The following HIVEP2 variants were observed in gnomAD, a reference collection of about 807,000 sequenced individuals.
HIVEP2 encodes the protein HIVEP zinc finger 2, also known as transcription factor HIVEP2.
Under a neutral mutation model 180.7 loss-of-function variants are expected in HIVEP2, and 14 were observed. That is an observed-to-expected ratio of 0.08 (90% CI 0.05 to 0.12). HIVEP2 has a LOEUF of 0.12. Among genes scored for constraint, HIVEP2 ranks in the 10% least tolerant of loss-of-function variants. The pLI is 1.00. For missense variants in HIVEP2, 2,579 were observed against 3,008.5 expected (o/e 0.86, Z 3.34); for synonymous variants, 1,184 against 1,136.4 (o/e 1.04, Z -0.84).
At chr6:142,777,474 C>T (rs893524841) in intron 3 of HIVEP2, among the ~76,000 whole-genome samples, 18 of 151,804 alleles carry the variant, frequency 1.2e-4, no homozygotes, top group African/African-American at 4.3e-4. Flanking sequence ...TAGAGAAACC[C>T]TGTTTCTACT....
chr6:142,901,337 T>C (rs1278149181), intron 1 of HIVEP2, among the ~76,000 whole-genome samples: 1 of 152,232 alleles, frequency 6.6e-6, no homozygotes, highest in East Asian at 1.9e-4. Context: ...TTTTCTCTGA[T>C]ATGATAAACC....
intron 1 of HIVEP2, among the ~76,000 whole-genome samples, chr6:142,886,678 A>G (rs1214790865): frequency 6.6e-6 from 1 of 152,186 alleles, no homozygotes; most frequent in African/African-American, 2.4e-5. Context: ...TACCCAGTTA[A>G]TTATTAGCCA....
chr6:142,793,680 T>TTTCTTTCTTTCTTTCTTTCTTC (rs1776212025), intron 2 of HIVEP2, among the ~76,000 whole-genome samples: 1 of 142,706 alleles, frequency 7.0e-6, no homozygotes. Context: ...TCTTTCTCTC[T>TTTCTTTCTTTCTTTCTTTCTTC]CTCTCTCTCT....
chr6:142,796,687 CA>C (rs1776286244), intron 2 of HIVEP2, among the ~76,000 whole-genome samples: 1 of 152,154 alleles, frequency 6.6e-6, no homozygotes, highest in Non-Finnish European at 1.5e-5. Flanking sequence ...GCACTTCTAG[CA>C]TTAGTAATGG....
intron 1 of HIVEP2, among the ~76,000 whole-genome samples, chr6:142,885,097 C>A (rs1481372889): frequency 6.6e-6 from 1 of 152,152 alleles, no homozygotes; most frequent in Non-Finnish European, 1.5e-5. Flanking sequence ...ATGGACCAAT[C>A]TAACTGATTT....
At chr6:142,861,710 T>C (rs574141701) in intron 1 of HIVEP2, among the ~76,000 whole-genome samples, 3 of 152,318 alleles carry the variant, frequency 2.0e-5, no homozygotes, top group African/African-American at 7.2e-5. Context: ...AACAATTTAA[T>C]GTCATCTAAG....
intron 1 of HIVEP2, among the ~76,000 whole-genome samples, chr6:142,929,154 A>T (rs1156590891): frequency 1.3e-5 from 2 of 152,162 alleles, no homozygotes; most frequent in East Asian, 1.9e-4. Flanking sequence ...TGTTCCTTCA[A>T]ATCATCTGCC....
intron 1 of HIVEP2, among the ~76,000 whole-genome samples, chr6:142,934,479 T>C (rs1011115550): frequency 3.3e-5 from 5 of 152,148 alleles, no homozygotes; most frequent in Non-Finnish European, 7.3e-5. Context: ...AGAAAAGATA[T>C]CTGAAATCCT....
chr6:142,793,614 C>T (rs190044033), intron 2 of HIVEP2, among the ~76,000 whole-genome samples: 152 of 131,892 alleles, frequency 1.2e-3, no homozygotes, highest in Admixed American at 1.8e-3. Flanking sequence ...CACCTCCCAT[C>T]CTTCCTTCTC....
chr6:142,844,037 A>C (rs1775441918), intron 1 of HIVEP2, among the ~76,000 whole-genome samples: 1 of 152,194 alleles, frequency 6.6e-6, no homozygotes, highest in Non-Finnish European at 1.5e-5. Context: ...CGGATGGCAC[A>C]TACCCACACA....
chr6:142,849,700 G>A (rs950967047), intron 1 of HIVEP2, among the ~76,000 whole-genome samples: 2 of 151,758 alleles, frequency 1.3e-5, no homozygotes, highest in African/African-American at 4.8e-5. Flanking sequence ...GTATTTTTTT[G>A]TAGAGACAGG....
chr6:142,755,533 C>T (rs1775043278), intron 9 of HIVEP2, among the ~76,000 whole-genome samples: 1 of 152,140 alleles, frequency 6.6e-6, no homozygotes, highest in Admixed American at 6.5e-5. Flanking sequence ...TGTTTTACTT[C>T]TGGCTGCTAT....
chr6:142,859,580 T>TC (rs1775915862), intron 1 of HIVEP2, among the ~76,000 whole-genome samples: 1 of 151,572 alleles, frequency 6.6e-6, no homozygotes, highest in African/African-American at 2.4e-5. Context: ...ATGTCAGTAA[T>TC]CCCAGCACTT....
chr6:142,909,753 G>GT (rs1239707189), intron 1 of HIVEP2, among the ~76,000 whole-genome samples: 1 of 152,148 alleles, frequency 6.6e-6, no homozygotes, highest in Non-Finnish European at 1.5e-5. Context: ...GGAGATAACA[G>GT]TATCATATGG....
rs970164366 is a variant in HIVEP2 at position 142,886,619 on chromosome 6, G to T, written c.-640-49572C>A. Among the ~76,000 whole-genome samples the T allele has an allele frequency of 2.0e-5, 3 of 152,212 alleles. No homozygotes were observed. In the East Asian group the frequency reaches 5.8e-4, roughly 29 times the overall value. Reference sequence around the variant, plus strand: ...ACTTCCGACTTGCAACACCCTATTTGTTAGTCTTATTACAAATCCTTTCCT... The same window carrying T: ...ACTTCCGACTTGCAACACCCTATTTTTTAGTCTTATTACAAATCCTTTCCT... On this transcript the variant is annotated intron_variant, in intron 1 of 9. Coordinates refer to ENST00000367603, the MANE Select transcript of HIVEP2 (RefSeq NM_006734.4).
chr6:142,868,481 G>T (rs1776202744), intron 1 of HIVEP2, among the ~76,000 whole-genome samples: 1 of 152,132 alleles, frequency 6.6e-6, no homozygotes, highest in African/African-American at 2.4e-5. Context: ...ATGCTAAAAT[G>T]TCCATGAAAG....
intron 1 of HIVEP2, among the ~76,000 whole-genome samples, chr6:142,880,980 T>C (rs551786987): frequency 2.0e-5 from 3 of 152,330 alleles, no homozygotes; most frequent in Admixed American, 1.3e-4. Context: ...GGATCAAGCA[T>C]GAAATGTCAT....
At position 142,770,347 on chromosome 6, in the gene HIVEP2, C is replaced by G. The variant is rs754592148; in HGVS notation, c.4392G>C (p.Lys1464Asn). 1 of 1,614,046 alleles carries G rather than the reference C, an allele frequency of 6.2e-7. No homozygotes were observed. The highest frequency in any genetic ancestry group is 1.3e-5 in the African/African-American group (1 of 74,908). Residue 1464 changes from lysine to asparagine, a missense_variant, in exon 5 of 10, where the codon AAG becomes AAC. By Grantham distance (94) the Lys-to-Asn change is moderately conservative. This residue lies in a region of HIVEP2 where 29 missense variants were observed against 64.7 expected (regional missense o/e 0.45). Transcript: ENST00000367603. This position sits in a 1 kb window ranked among gnomAD's most constrained non-coding sequence, Gnocchi z 4.7. ...TKQQKRVKEE[K>N]MYGQIVEELS... is the part of the protein sequence containing the mutation. Reference sequence around the variant, plus strand: ...GCTCCTCCACAATCTGTCCGTACATCTTTTCTTCTTTGACCCTTTTCTGCT... The same window carrying G: ...GCTCCTCCACAATCTGTCCGTACATGTTTTCTTCTTTGACCCTTTTCTGCT...
At chr6:142,862,370 C>A (rs1279761164) in intron 1 of HIVEP2, among the ~76,000 whole-genome samples, 1 of 149,776 alleles carries the variant, frequency 6.7e-6, no homozygotes, top group East Asian at 2.0e-4. Flanking sequence ...ATATGTAATA[C>A]ATATAATCGA....
Sources: gnomAD v4.1 joint callset for allele counts (sites outside exome capture counted in the v4.1 genomes callset) on GRCh38, gnomAD v4.1.1 for gene constraint, gnomAD v4.1.1 regional missense constraint, Gnocchi (gnomAD v3.1) non-coding constraint, MANE v1.5 for transcripts, NCBI Gene and HGNC (gene_info 2026-07-23, HGNC 2026-07-21) for gene names.